The following DGKI variants were observed in gnomAD, a reference collection of about 807,000 sequenced individuals.
DGKI encodes diacylglycerol kinase iota, also known as DAG kinase iota.
DGKI carries 55 observed loss-of-function variants against 147.5 expected under a neutral mutation model. The ratio of observed to expected loss-of-function variants is 0.37; its 90% confidence interval spans 0.30 to 0.47. The LOEUF (loss-of-function observed/expected upper bound fraction) is 0.47. Among genes scored for constraint, DGKI ranks in the 20% least tolerant of loss-of-function variants. The pLI is 1.00. For synonymous variants in DGKI, 469 were observed against 477.1 expected (o/e 0.98, Z 0.22); for missense variants, 1,007 against 1,323.8 (o/e 0.76, Z 3.71).
At chr7:137,463,298 A>G (rs1187499115) in intron 27 of DGKI, among the ~76,000 whole-genome samples, 191 bp downstream of exon 27, 2 of 152,196 alleles carry the variant, frequency 1.3e-5, no homozygotes, top group Non-Finnish European at 2.9e-5. Context: ...TGGAAGGTGG[A>G]GTTCCATGAA....
intron 23 of DGKI, 149 bp from the exon 24 acceptor site, chr7:137,469,768 C>CTTT: frequency 1.9e-6 from 1 of 536,502 alleles, no homozygotes; most frequent in Non-Finnish European, 3.1e-6. Flanking sequence ...AAGAAGGGCT[C>CTTT]TTTTTTGAAA....
chr7:137,565,610 A>C (rs866927749), intron 19 of DGKI, among the ~76,000 whole-genome samples: 1 of 152,186 alleles, frequency 6.6e-6, no homozygotes, highest in African/African-American at 2.4e-5. Context: ...AGTTTACGAG[A>C]CTGAAATCTT....
chr7:137,685,041 C>A (rs1823370407), intron 2 of DGKI, among the ~76,000 whole-genome samples: 1 of 152,148 alleles, frequency 6.6e-6, no homozygotes, highest in African/African-American at 2.4e-5. Context: ...TAAACCAATC[C>A]CACATGAAGA....
chr7:137,460,605 G>C (rs552016511), intron 27 of DGKI, among the ~76,000 whole-genome samples: 34 of 152,218 alleles, frequency 2.2e-4, no homozygotes, highest in African/African-American at 7.7e-4. Flanking sequence ...ATACTTACCA[G>C]TTGAGCATCC....
At chr7:137,732,702 G>A (rs540111611) in intron 1 of DGKI, among the ~76,000 whole-genome samples, 2 of 152,148 alleles carry the variant, frequency 1.3e-5, no homozygotes, top group East Asian at 1.9e-4. Flanking sequence ...CAAGTAGACA[G>A]GAAAGGTTCC....
At chr7:137,507,160 C>T (rs939919906) in intron 21 of DGKI, among the ~76,000 whole-genome samples, 10 of 152,178 alleles carry the variant, frequency 6.6e-5, no homozygotes, top group African/African-American at 2.4e-4. Flanking sequence ...ACATAACATC[C>T]CAAGAACTTT....
intron 29 of DGKI, among the ~76,000 whole-genome samples, chr7:137,408,559 C>T (rs771903699): frequency 1.3e-5 from 2 of 152,168 alleles, no homozygotes; most frequent in African/African-American, 2.4e-5. Flanking sequence ...CACACGAACA[C>T]ACATCTGGCT....
At chr7:137,621,993 T>A (rs991470501) in intron 7 of DGKI, among the ~76,000 whole-genome samples, 1 of 151,858 alleles carries the variant, frequency 6.6e-6, no homozygotes, top group Non-Finnish European at 1.5e-5. Context: ...TGGTACAGAG[T>A]TTCATTCAAT....
intron 10 of DGKI, among the ~76,000 whole-genome samples, chr7:137,605,307 C>T (rs1820138928): frequency 9.3e-6 from 1 of 107,176 alleles, no homozygotes; most frequent in Non-Finnish European, 1.9e-5. Flanking sequence ...GACTCCGTCT[C>T]AAAAATATAA....
intron 1 of DGKI, among the ~76,000 whole-genome samples, chr7:137,728,081 C>T (rs1794762892): frequency 6.6e-6 from 1 of 152,096 alleles, no homozygotes. Context: ...TGAAAAATGG[C>T]AAAAGTTATT....
chr7:137,771,237 C>T (rs535336990), intron 1 of DGKI, among the ~76,000 whole-genome samples: 3 of 152,226 alleles, frequency 2.0e-5, no homozygotes, highest in East Asian at 3.9e-4. Context: ...ATCACAGGTG[C>T]GTGCCACCAT....
chr7:137,424,762 A>G (rs1172875437), intron 28 of DGKI, among the ~76,000 whole-genome samples: 1 of 152,202 alleles, frequency 6.6e-6, no homozygotes, highest in African/African-American at 2.4e-5. Context: ...GGAGGGTCCT[A>G]CGCCCACGGA....
At chr7:137,597,698 T>C (rs1172461157) in intron 12 of DGKI, 149 bp downstream of exon 12, 5 of 703,434 alleles carry the variant, frequency 7.1e-6, no homozygotes, top group Middle Eastern at 2.4e-4. Context: ...ACAAAGTCCC[T>C]TGTTACTCTT....
chr7:137,634,588 G>C (rs1177598215), intron 6 of DGKI, among the ~76,000 whole-genome samples: 1 of 152,024 alleles, frequency 6.6e-6, no homozygotes, highest in Non-Finnish European at 1.5e-5. Context: ...ATAGTAAGTG[G>C]GACCATCTGA....
chr7:137,751,555 G>A (rs192696186), intron 1 of DGKI, among the ~76,000 whole-genome samples: 10 of 152,302 alleles, frequency 6.6e-5, no homozygotes, highest in Admixed American at 4.6e-4. Flanking sequence ...ATATGCTTGA[G>A]TATAGATAAT....
rs59337903 is a variant in DGKI, at chr7:137,463,630, C to G, written c.2613-19G>C. On this transcript the variant is annotated intron_variant, in intron 26 of 32. Coordinates refer to ENST00000614521, the MANE Select transcript of DGKI (RefSeq NM_001321708.2). ...TGAGATCCTGAGAGAAAGAAGGGCA[C>G]CAGACAGTTAAACATTCAAAGTCAG... 1,938 of 1,611,954 alleles carry G rather than the reference C, an allele frequency of 1.2e-3. 27 individuals are homozygous for G. In the African/African-American group the frequency reaches 0.024, roughly 20 times the overall value.
intron 1 of DGKI, among the ~76,000 whole-genome samples, chr7:137,840,370 T>A (rs1230135685): frequency 6.6e-6 from 1 of 152,214 alleles, no homozygotes; most frequent in Non-Finnish European, 1.5e-5. Flanking sequence ...GGCTGGACAA[T>A]GGTCAGGACT....
chr7:137,447,452 T>C (rs914486192), intron 27 of DGKI, among the ~76,000 whole-genome samples: 1 of 152,010 alleles, frequency 6.6e-6, no homozygotes, highest in Non-Finnish European at 1.5e-5. Flanking sequence ...GTATGAAAAG[T>C]GTGAAAGAAG....
Position 137,547,800 on chromosome 7 carries a change from G to A in DGKI, c.2147+4569C>T, listed in dbSNP as rs537762436. Among the ~76,000 whole-genome samples the A allele has an allele frequency of 2.4e-4, 36 of 152,294 alleles. No homozygotes were observed. In the South Asian group the frequency reaches 4.3e-3, roughly 18 times the overall value. On this transcript the variant is annotated intron_variant, in intron 20 of 32. Transcript: ENST00000614521. ...ATAACCAAGAGCACCACTGAAACAC[G>A]TAAAGGTACATCTAACAGCTAGAAG...
Sources: gnomAD v4.1 joint callset for allele counts (sites outside exome capture counted in the v4.1 genomes callset) on GRCh38, gnomAD v4.1.1 for gene constraint, MANE v1.5 for transcripts, NCBI Gene and HGNC (gene_info 2026-07-23, HGNC 2026-07-21) for gene names.